CXCL13: variants seen among roughly 807,000 people sequenced by gnomAD.
CXCL13 encodes C-X-C motif chemokine ligand 13.
In CXCL13, 7 loss-of-function variants were observed where a neutral mutation model predicts 12.2. The ratio of observed to expected loss-of-function variants is 0.57; its 90% confidence interval spans 0.33 to 1.07. The LOEUF (loss-of-function observed/expected upper bound fraction) is 1.07. Among genes scored for constraint, CXCL13 ranks in the 50% least tolerant of loss-of-function variants. The pLI, the probability that CXCL13 is intolerant of heterozygous loss-of-function variation, is 0.04. For missense variants in CXCL13, 113 were observed against 127.4 expected (o/e 0.89, Z 0.55); for synonymous variants, 47 against 42.4 (o/e 1.11, Z -0.42).
chr4:77,555,755 A>G lies in CXCL13; in HGVS notation c.-43+43967A>G, dbSNP rs114351535. ...ATCTGATGAAAGACCTGTATCCAGA[A>G]TATATAAAGAACATTTACAACTTGA... On this transcript the variant is annotated intron_variant, in intron 1 of 4. Coordinates refer to the CXCL13 transcript ENST00000286758. Among the ~76,000 whole-genome samples the G allele has an allele frequency of 1.5e-3, 230 of 152,282 alleles. 1 individual carries two copies. The highest frequency in any genetic ancestry group is 4.4e-3 in the African/African-American group (184 of 41,594).
chr4:77,579,504 C>G (rs1424691744), intron 1 of CXCL13, among the ~76,000 whole-genome samples: 1 of 152,146 alleles, frequency 6.6e-6, no homozygotes, highest in East Asian at 1.9e-4. Context: ...AAGGTTTTCT[C>G]AATGTATTAT....
chr4:77,525,127 T>C (rs1358898757), intron 1 of CXCL13, among the ~76,000 whole-genome samples: 1 of 152,196 alleles, frequency 6.6e-6, no homozygotes, highest in Non-Finnish European at 1.5e-5. Flanking sequence ...CATTATAGGA[T>C]GATGCAGCAC....
intron 1 of CXCL13, among the ~76,000 whole-genome samples, 161 bp downstream of exon 1, chr4:77,606,090 C>A (rs1726997632): frequency 1.3e-5 from 2 of 152,174 alleles, no homozygotes; most frequent in African/African-American, 4.8e-5. Flanking sequence ...AGGAATTTAA[C>A]TCTTCAAAAC....
At chr4:77,513,734 G>A (rs1724330897) in intron 1 of CXCL13, among the ~76,000 whole-genome samples, 1 of 151,750 alleles carries the variant, frequency 6.6e-6, no homozygotes, top group Non-Finnish European at 1.5e-5. Context: ...TTACAGGCAT[G>A]AGCCACCACA....
intron 1 of CXCL13, among the ~76,000 whole-genome samples, chr4:77,593,602 A>T (rs927504582): frequency 6.6e-6 from 1 of 152,224 alleles, no homozygotes; most frequent in African/African-American, 2.4e-5. Context: ...TTTATTAAGC[A>T]CTTTCGCATA....
chr4:77,572,059 G>A lies in CXCL13; in HGVS notation c.-42-33765G>A, dbSNP rs541944967. Among the ~76,000 whole-genome samples the A allele has an allele frequency of 4.2e-3, 633 of 151,750 alleles. 3 individuals carry two copies. Among genetic ancestry groups the A allele is most frequent in the South Asian group, 0.018 (87 of 4,814 alleles). Reference sequence around the variant, plus strand: ...ATCAGAAGGGACAGACTCCAGACGCGCCACATTAAGAGCTGTAACACTCAC... The same window carrying A: ...ATCAGAAGGGACAGACTCCAGACGCACCACATTAAGAGCTGTAACACTCAC... On this transcript the variant is annotated intron_variant, in intron 1 of 4. Coordinates refer to the CXCL13 transcript ENST00000286758.
At chr4:77,543,354 A>G (rs2109802253) in intron 1 of CXCL13, among the ~76,000 whole-genome samples, 1 of 152,106 alleles carries the variant, frequency 6.6e-6, no homozygotes, top group Admixed American at 6.6e-5. Context: ...TTGGATCTCA[A>G]TCATTCAGTA....
chr4:77,513,800 A>G (rs1175917856), intron 1 of CXCL13, among the ~76,000 whole-genome samples: 1 of 137,288 alleles, frequency 7.3e-6, no homozygotes, highest in Non-Finnish European at 1.5e-5. Context: ...GTGAGATGGT[A>G]TCTCTTTTTT....
At chr4:77,594,261 C>T (rs555482971) in intron 1 of CXCL13, among the ~76,000 whole-genome samples, 1 of 152,226 alleles carries the variant, frequency 6.6e-6, no homozygotes, top group South Asian at 2.1e-4. Context: ...GCTTCAAGTC[C>T]ATAGAGGTCC....
intron 1 of CXCL13, among the ~76,000 whole-genome samples, chr4:77,540,232 A>G (rs1725167422): frequency 6.6e-6 from 1 of 152,194 alleles, no homozygotes. Context: ...GGTATTTACA[A>G]GAAATATGCC....
intron 1 of CXCL13, among the ~76,000 whole-genome samples, chr4:77,545,681 C>T (rs565512675): frequency 4.0e-4 from 61 of 152,166 alleles, no homozygotes; most frequent in Admixed American, 9.2e-4. Context: ...TATACAATCA[C>T]ATCATCTGCA....
chr4:77,540,506 G>T (rs1234700278), intron 1 of CXCL13, among the ~76,000 whole-genome samples: 1 of 152,104 alleles, frequency 6.6e-6, no homozygotes, highest in Non-Finnish European at 1.5e-5. Context: ...CTTGTAAGAA[G>T]TGACAGCATG....
chr4:77,523,417 CTT>C (rs1361119000), intron 1 of CXCL13, among the ~76,000 whole-genome samples: 3 of 152,208 alleles, frequency 2.0e-5, no homozygotes, highest in Admixed American at 2.0e-4. Flanking sequence ...TCTTTTTACT[CTT>C]TTTTTCTCTA....
At chr4:77,522,839 G>A (rs1724645318) in intron 1 of CXCL13, among the ~76,000 whole-genome samples, 1 of 151,952 alleles carries the variant, frequency 6.6e-6, no homozygotes, top group South Asian at 2.1e-4. Context: ...ATTTGCAGTG[G>A]CTTCTACCAG....
At chr4:77,562,588 C>T (rs1238744560) in intron 1 of CXCL13, among the ~76,000 whole-genome samples, 2 of 151,560 alleles carry the variant, frequency 1.3e-5, no homozygotes, top group East Asian at 1.9e-4. Flanking sequence ...CACCAATCAG[C>T]ACTCTGTGTC....
At chr4:77,603,389 G>A (rs1726933745), upstream of CXCL13, among the ~76,000 whole-genome samples, 1 of 152,232 alleles carries the variant, frequency 6.6e-6, no homozygotes, top group African/African-American at 2.4e-5. Flanking sequence ...GACAAAGGAG[G>A]TAATGGGCTT....
At chr4:77,533,632 G>T (rs989609814) in intron 1 of CXCL13, among the ~76,000 whole-genome samples, 1 of 152,196 alleles carries the variant, frequency 6.6e-6, no homozygotes, top group Non-Finnish European at 1.5e-5. Context: ...GCCCCCAGAG[G>T]TGGAGTCTAT....
chr4:77,562,754 G>A (rs139757267), intron 1 of CXCL13, among the ~76,000 whole-genome samples: 48 of 152,198 alleles, frequency 3.2e-4, no homozygotes, highest in Middle Eastern at 3.4e-3. Flanking sequence ...TCAGTGATCC[G>A]TGTCTAGCTA....
chr4:77,530,999 A>G (rs1301535584), intron 1 of CXCL13, among the ~76,000 whole-genome samples: 1 of 151,850 alleles, frequency 6.6e-6, no homozygotes, highest in South Asian at 2.1e-4. Context: ...GGTTTCAAAG[A>G]ACATCCTTAT....
Sources: allele counts gnomAD v4.1 joint callset (sites outside exome capture counted in the v4.1 genomes callset), GRCh38; gene constraint gnomAD v4.1.1; transcripts MANE v1.5; gene names NCBI Gene and HGNC (gene_info 2026-07-23, HGNC 2026-07-21).